Variants in LINC00632 observed in about 807,000 individuals in gnomAD.
The protein encoded by LINC00632 is ALDOA related specific transcript.
At chrX:140,771,827 G>A (rs1437888516) in intron 3 of LINC00632, among the ~76,000 whole-genome samples, 3 of 103,068 alleles carry the variant, frequency 2.9e-5, no homozygotes, top group Non-Finnish European at 6.1e-5. Flanking sequence ...TTATAGGCAT[G>A]TGCCACCATG....
chrX:140,736,525 C>G (rs1931147582), intron 3 of LINC00632, among the ~76,000 whole-genome samples: 1 of 104,062 alleles, frequency 9.6e-6, no homozygotes, highest in South Asian at 4.6e-4. Flanking sequence ...CAACCTCCCC[C>G]TCCCAGGTTC....
intron 2 of LINC00632, among the ~76,000 whole-genome samples, chrX:140,718,487 A>T (rs192782467): frequency 0.056 from 5,570 of 98,630 alleles, 150 homozygotes; most frequent in Middle Eastern, 0.12. Flanking sequence ...ATCTCGGCTT[A>T]TTGCAACCTC....
intron 2 of LINC00632, among the ~76,000 whole-genome samples, chrX:140,718,384 C>A (rs1445697037): frequency 1.8e-5 from 2 of 108,258 alleles, no homozygotes; most frequent in Non-Finnish European, 3.8e-5. Flanking sequence ...TTTCCTATAA[C>A]ACCCATCCCA....
rs539511675 is a variant in LINC00632 at position 140,752,248 on chromosome X, C to T, written n.191+18284C>T. 3.6e-5 allele frequency among the ~76,000 whole-genome samples: 4 copies of T among 111,815 alleles called. No individual in the cohort carries two copies. The South Asian group carries it at 1.5e-3, about 42-fold the overall frequency. On this transcript the variant is annotated intron_variant and non_coding_transcript_variant, in intron 3 of 4. Transcript: ENST00000648200. ...TCTGCTATTTCCACGTCTGAATAGT[C>T]AGTAGCGACATCACAAAATCCTGTC...
intron 2 of LINC00632, chrX:140,713,392 T>C (rs1930557812): frequency 3.5e-6 from 1 of 282,631 alleles, no homozygotes; most frequent in South Asian, 3.3e-5. Context: ...GTTGCATGAC[T>C]GTGGGACGGG....
chrX:140,758,133 C>G (rs1602748159), intron 3 of LINC00632, among the ~76,000 whole-genome samples: 1 of 110,926 alleles, frequency 9.0e-6, no homozygotes, highest in East Asian at 2.8e-4. Flanking sequence ...ACCTTTCTAC[C>G]ATTGTGCTAT....
chrX:140,716,780 T>TAGAC (rs1930637014), intron 2 of LINC00632, among the ~76,000 whole-genome samples: 1 of 89,813 alleles, frequency 1.1e-5, no homozygotes, highest in Non-Finnish European at 2.2e-5. Flanking sequence ...GCCCACAACA[T>TAGAC]ACACACACAC....
intron 2 of LINC00632, among the ~76,000 whole-genome samples, chrX:140,723,378 CACACACATTCCATACACACACATTCCAT>C (rs1569348175): frequency 1.5e-3 from 51 of 33,678 alleles, no homozygotes; most frequent in African/African-American, 5.7e-3. Flanking sequence ...ACATTCCATA[CACACACATTCCATACACACACATTCCAT>C]ACACACACAT....
exon 5 of LINC00632, among the ~76,000 whole-genome samples, chrX:140,781,184 T>C (rs919209465): frequency 2.7e-5 from 3 of 111,505 alleles, no homozygotes; most frequent in African/African-American, 9.8e-5. Context: ...CTCAGCTTTA[T>C]CTAAGTACTA....
chrX:140,772,574 A>G (rs918683200), exon 4 of LINC00632: 1 of 271,528 alleles, frequency 3.7e-6, no homozygotes. Context: ...AGCGAACACA[A>G]TGAAAGTTCT....
chrX:140,735,720 C>T (rs1383649130), intron 3 of LINC00632, among the ~76,000 whole-genome samples: 1 of 110,749 alleles, frequency 9.0e-6, no homozygotes, highest in African/African-American at 3.3e-5. Context: ...GCATGTGCCA[C>T]CACGCCCAAC....
exon 4 of LINC00632, among the ~76,000 whole-genome samples, chrX:140,772,831 G>GC (rs1485932765): frequency 8.9e-6 from 1 of 112,013 alleles, no homozygotes; most frequent in East Asian, 2.8e-4. Context: ...TGTAAAATCT[G>GC]CCAGTGAGCA....
At chrX:140,781,165 C>T (rs1569357343) in exon 5 of LINC00632, among the ~76,000 whole-genome samples, 1 of 111,049 alleles carries the variant, frequency 9.0e-6, no homozygotes, top group South Asian at 3.8e-4. Context: ...TGTGATAGTT[C>T]CTGACTTCCT....
chrX:140,739,525 G>A (rs73590177), intron 3 of LINC00632, among the ~76,000 whole-genome samples: 3 of 111,146 alleles, frequency 2.7e-5, no homozygotes, highest in African/African-American at 9.8e-5. Flanking sequence ...CCATCCACAT[G>A]TGAAACTTTT....
intron 3 of LINC00632, among the ~76,000 whole-genome samples, chrX:140,760,139 A>C (rs921661067): frequency 8.9e-6 from 1 of 112,082 alleles, no homozygotes; most frequent in African/African-American, 3.2e-5. Context: ...AGGTAAGAAC[A>C]AAGTGATGTG....
At chrX:140,782,229 G>C (rs1931944301) in exon 5 of LINC00632, among the ~76,000 whole-genome samples, 1 of 111,778 alleles carries the variant, frequency 8.9e-6, no homozygotes, top group Non-Finnish European at 1.9e-5. Flanking sequence ...ACAACTCTTT[G>C]AATATTGCTA....
At chrX:140,776,480 C>T (rs1489893956) in exon 5 of LINC00632, among the ~76,000 whole-genome samples, 1 of 113,011 alleles carries the variant, frequency 8.8e-6, no homozygotes, top group Non-Finnish European at 1.9e-5. Flanking sequence ...CCCGCGCGTC[C>T]GGCGCTGTCC....
At chrX:140,739,393 G>T (rs1931191704) in intron 3 of LINC00632, among the ~76,000 whole-genome samples, 1 of 109,623 alleles carries the variant, frequency 9.1e-6, no homozygotes, top group Admixed American at 9.8e-5. Context: ...CTAATTTTTT[G>T]GATTTTTAGT....
intron 3 of LINC00632, among the ~76,000 whole-genome samples, chrX:140,747,445 G>A (rs765556231): frequency 9.5e-6 from 1 of 105,186 alleles, no homozygotes; most frequent in Non-Finnish European, 1.9e-5. Flanking sequence ...CAGGAGAATC[G>A]CTTGAACCCG....
Sources: allele counts gnomAD v4.1 joint callset (sites outside exome capture counted in the v4.1 genomes callset), GRCh38; gene constraint gnomAD v4.1.1; transcripts MANE v1.5; gene names NCBI Gene and HGNC (gene_info 2026-07-23, HGNC 2026-07-21).